The following ANTXR2 variants were observed in gnomAD, a reference collection of about 807,000 sequenced individuals.
The protein encoded by ANTXR2 is anthrax toxin receptor 2.
ANTXR2 carries 44 observed loss-of-function variants against 73.7 expected under a neutral mutation model. The ratio of observed to expected loss-of-function variants is 0.60; its 90% CI spans 0.47 to 0.77. The LOEUF (loss-of-function observed/expected upper bound fraction) is 0.77. Ranked by LOEUF, ANTXR2 falls within the 30% of genes least tolerant of loss-of-function variation. ANTXR2 has a pLI of 0.00. For synonymous variants in ANTXR2, 217 were observed against 205.9 expected (o/e 1.05, Z -0.46); for missense variants, 604 against 592.5 (o/e 1.02, Z -0.20).
intron 16 of ANTXR2, among the ~76,000 whole-genome samples, chr4:79,921,480 T>G (rs1015465059): frequency 2.6e-5 from 4 of 152,084 alleles, no homozygotes; most frequent in African/African-American, 9.7e-5. Flanking sequence ...AAAATGTCCA[T>G]AGCTCTTTGG....
At chr4:80,036,260 G>A (rs1732953802) in intron 7 of ANTXR2, among the ~76,000 whole-genome samples, 1 of 152,068 alleles carries the variant, frequency 6.6e-6, no homozygotes, top group South Asian at 2.1e-4. Context: ...TTTGATTAAA[G>A]TAAATTCAGA....
chr4:79,935,527 G>A (rs1204047215), intron 16 of ANTXR2, among the ~76,000 whole-genome samples: 3 of 147,458 alleles, frequency 2.0e-5, no homozygotes, highest in Non-Finnish European at 4.5e-5. Context: ...AAAAAAAAAG[G>A]GAGCCATAAA....
chr4:79,962,176 TTTG>T (rs771324724), intron 16 of ANTXR2, among the ~76,000 whole-genome samples: 6 of 152,166 alleles, frequency 3.9e-5, no homozygotes, highest in Non-Finnish European at 7.4e-5. Flanking sequence ...ATTTCATGAA[TTTG>T]TTATTTTCCA....
intron 10 of ANTXR2, among the ~76,000 whole-genome samples, chr4:80,029,680 G>A (rs1328863695): frequency 1.3e-5 from 2 of 151,904 alleles, no homozygotes; most frequent in Admixed American, 6.6e-5. Context: ...GACTCAAAGA[G>A]GAAGATTGCA....
At chr4:80,015,288 C>A (rs1381438537) in intron 11 of ANTXR2, among the ~76,000 whole-genome samples, 2 of 152,154 alleles carry the variant, frequency 1.3e-5, no homozygotes, top group African/African-American at 4.8e-5. Flanking sequence ...ATTCTTCCAG[C>A]CCATGAGATT....
At chr4:79,907,752 G>A (rs551025570) in intron 16 of ANTXR2, among the ~76,000 whole-genome samples, 5 of 151,940 alleles carry the variant, frequency 3.3e-5, no homozygotes, top group East Asian at 3.8e-4. Context: ...TTACTATCAC[G>A]GCCATAAAAA....
chr4:79,966,811 T>C (rs1729384259), intron 16 of ANTXR2, among the ~76,000 whole-genome samples: 1 of 152,226 alleles, frequency 6.6e-6, no homozygotes, highest in Non-Finnish European at 1.5e-5. Flanking sequence ...TTTACCATGA[T>C]TAAATGGCCT....
At chr4:80,031,371 T>C (rs1218412655) in intron 10 of ANTXR2, among the ~76,000 whole-genome samples, 1 of 151,922 alleles carries the variant, frequency 6.6e-6, no homozygotes, top group African/African-American at 2.4e-5. Context: ...TCCAGATAAA[T>C]ATTCATAGAG....
intron 16 of ANTXR2, among the ~76,000 whole-genome samples, chr4:79,973,722 C>A (rs1049616856): frequency 6.6e-6 from 1 of 152,120 alleles, no homozygotes; most frequent in Non-Finnish European, 1.5e-5. Flanking sequence ...AGCCACCACA[C>A]CTGGCCACAT....
chr4:79,926,964 T>TGTGTGTATATATACAC, intron 16 of ANTXR2, among the ~76,000 whole-genome samples: 1 of 49,214 alleles, frequency 2.0e-5, no homozygotes, highest in East Asian at 5.1e-3. Context: ...CGTGTGCATA[T>TGTGTGTATATATACAC]ATGTGTATAT....
chr4:79,911,268 C>T (rs924728782), intron 16 of ANTXR2, among the ~76,000 whole-genome samples: 2 of 152,048 alleles, frequency 1.3e-5, no homozygotes, highest in African/African-American at 4.8e-5. Flanking sequence ...AGGTAGCAAG[C>T]AAAGCAATAT....
chr4:80,037,266 G>A lies in ANTXR2; in HGVS notation c.637-1234C>T, dbSNP rs116555585. ...CATCTCCTTTTCATAACTAGAATAG[G>A]AAGTAAGGACTGTAGCAGGAAATAG... On this transcript the variant is annotated intron_variant, in intron 7 of 16. Coordinates refer to ENST00000403729, the MANE Select transcript of ANTXR2 (RefSeq NM_058172.6). 6.9e-3 allele frequency among the ~76,000 whole-genome samples: 1,050 copies of A among 152,254 alleles called. 2 individuals are homozygous for A. Among genetic ancestry groups the A allele is most frequent in the Non-Finnish European group, 0.01 (710 of 68,006 alleles).
intron 16 of ANTXR2, among the ~76,000 whole-genome samples, chr4:79,919,870 TA>T: frequency 4.1e-4 from 1 of 2,410 alleles, no homozygotes; most frequent in Non-Finnish European, 1.1e-3. Context: ...ATATTTTATA[TA>T]TATATATATA....
chr4:79,949,715 A>T (rs1728635614), intron 16 of ANTXR2, among the ~76,000 whole-genome samples: 1 of 152,182 alleles, frequency 6.6e-6, no homozygotes, highest in African/African-American at 2.4e-5. Flanking sequence ...CCTACTTCAT[A>T]TGAGGATTAA....
intron 11 of ANTXR2, among the ~76,000 whole-genome samples, chr4:80,013,867 A>G (rs183711493): frequency 3.8e-4 from 58 of 152,348 alleles, no homozygotes; most frequent in Non-Finnish European, 1.0e-4. Flanking sequence ...ATTTTCCTAT[A>G]ATTACTGTCA....
At chr4:80,029,185 A>G (rs925181880) in intron 10 of ANTXR2, among the ~76,000 whole-genome samples, 8 of 152,190 alleles carry the variant, frequency 5.3e-5, no homozygotes, top group Admixed American at 5.2e-4. Context: ...CCCCGATGGT[A>G]TTCTCTTCTA....
chr4:80,048,463 A>T (rs1450604408), intron 7 of ANTXR2, among the ~76,000 whole-genome samples: 1 of 151,640 alleles, frequency 6.6e-6, no homozygotes, highest in Non-Finnish European at 1.5e-5. Flanking sequence ...GAGTCCTGAA[A>T]ATTGGTTTCC....
At chr4:80,057,005 T>C (rs1734030208) in intron 3 of ANTXR2, among the ~76,000 whole-genome samples, 1 of 151,960 alleles carries the variant, frequency 6.6e-6, no homozygotes, top group Admixed American at 6.6e-5. Flanking sequence ...TATCTTAAGA[T>C]ATTGTTTTCA....
intron 3 of ANTXR2, among the ~76,000 whole-genome samples, chr4:80,058,030 A>G (rs903297314): frequency 2.0e-5 from 3 of 152,080 alleles, no homozygotes; most frequent in African/African-American, 7.2e-5. Context: ...GATAAAAGTC[A>G]AATATTTGGT....
Sources: gnomAD v4.1 joint callset for allele counts (sites outside exome capture counted in the v4.1 genomes callset) on GRCh38, gnomAD v4.1.1 for gene constraint, MANE v1.5 for transcripts, NCBI Gene and HGNC (gene_info 2026-07-23, HGNC 2026-07-21) for gene names.